PCSK1: variants seen among roughly 807,000 people sequenced by gnomAD.
PCSK1 encodes the protein neuroendocrine convertase 1.
PCSK1 carries 56 observed loss-of-function variants against 90.6 expected under a neutral mutation model. The observed-to-expected ratio is 0.62, with a 90% CI of 0.50 to 0.77. PCSK1 has a LOEUF of 0.77. PCSK1 is among the 30% of genes least tolerant of loss of function. The pLI, the probability that PCSK1 is intolerant of heterozygous loss-of-function variation, is 0.00. For synonymous variants in PCSK1, 348 were observed against 342.4 expected (o/e 1.02, Z -0.18); for missense variants, 801 against 932.6 (o/e 0.86, Z 1.84).
intron 8 of PCSK1, 27 bp from the exon 9 acceptor site, chr5:96,408,350 G>A (rs745576393): frequency 1.7e-5 from 27 of 1,557,066 alleles, no homozygotes; most frequent in East Asian, 2.2e-5. Flanking sequence ...AGGAGAGAAA[G>A]GCAGGGAGAA....
chr5:96,424,999 G>T (rs1480325382), intron 3 of PCSK1, among the ~76,000 whole-genome samples: 3 of 93,216 alleles, frequency 3.2e-5, no homozygotes, highest in Non-Finnish European at 6.3e-5. Context: ...GAAAGAAAGA[G>T]AAAGAAAGAA....
intron 12 of PCSK1, among the ~76,000 whole-genome samples, chr5:96,396,424 G>A (rs1295878047): frequency 2.6e-5 from 4 of 152,032 alleles, no homozygotes; most frequent in African/African-American, 9.7e-5. Flanking sequence ...AGCCAGGCTT[G>A]GTGGTGGGTA....
At position 96,394,701 on chromosome 5, in the gene PCSK1, A is replaced by G. The variant is rs546723266; in HGVS notation, c.1884+163T>C. Among the ~76,000 whole-genome samples the G allele has an allele frequency of 3.3e-5, 5 of 152,360 alleles. No individual in the cohort carries two copies. The East Asian group carries it at 9.6e-4, about 29-fold the overall frequency. ...CTGGATAAAATATTGAATGAAAAAA[A>G]TACAGTTTTATCCTATGGAAAAGAA... On this transcript the variant is annotated intron_variant, in intron 13 of 13. Transcript: ENST00000311106.
chr5:96,397,369 A>G lies in PCSK1; in HGVS notation c.1689T>C (p.Pro563=). 1 of 1,612,710 alleles carries G rather than the reference A, an allele frequency of 6.2e-7. No homozygotes were observed. Among genetic ancestry groups the G allele is most frequent in the Non-Finnish European group, 8.5e-7 (1 of 1,178,718 alleles). The change falls in exon 12 of 14, where the codon CCT becomes CCC. Residue 563 remains proline (P), a synonymous_variant. Coordinates refer to ENST00000311106, the MANE Select transcript of PCSK1 (RefSeq NM_000439.5). ...TAATTCTCAAAGTCCAAGTACCTAT[A>G]GGGTTCTCTCCCCATGTGTGAACAG... The part of the protein sequence containing the change: ...FMSVHTWGEN[P]IGTWTLRITD...
intron 2 of PCSK1, among the ~76,000 whole-genome samples, chr5:96,428,149 A>G (rs1761376986): frequency 6.6e-6 from 1 of 152,160 alleles, no homozygotes; most frequent in South Asian, 2.1e-4. Flanking sequence ...TTCTTCTTTT[A>G]AAAATTCTAT....
In PCSK1 at chr5:96,427,038, C is replaced by A. The variant is rs148848191; in HGVS notation, c.286-1108G>T. Among the ~76,000 whole-genome samples, 621 of 152,268 alleles carry A rather than the reference C, an allele frequency of 4.1e-3. 3 individuals are homozygous for A. The highest frequency in any genetic ancestry group is 0.014 in the African/African-American group (600 of 41,556). Reference sequence around the variant, plus strand: ...AATGCTGCCTATCATCTGAGTTGATCTCTGGAAGCTGACTGCTAGGGAATA... The same window carrying A: ...AATGCTGCCTATCATCTGAGTTGATATCTGGAAGCTGACTGCTAGGGAATA... On this transcript the variant is annotated intron_variant, in intron 2 of 13. Transcript: ENST00000311106.
intron 11 of PCSK1, among the ~76,000 whole-genome samples, chr5:96,397,907 AATT>A (rs1321608739): frequency 3.9e-4 from 59 of 151,992 alleles, no homozygotes; most frequent in East Asian, 1.4e-3. Context: ...TAAACATAAA[AATT>A]ATTATTTAAT....
At chr5:96,431,595 G>A (rs995840583) in intron 1 of PCSK1, among the ~76,000 whole-genome samples, 1 of 152,156 alleles carries the variant, frequency 6.6e-6, no homozygotes, top group Admixed American at 6.5e-5. Flanking sequence ...CTGGCCAAAA[G>A]CAAAAGACTC....
chr5:96,432,676 A>C (rs1761543397), intron 1 of PCSK1, among the ~76,000 whole-genome samples, 187 bp downstream of exon 1: 1 of 152,082 alleles, frequency 6.6e-6, no homozygotes, highest in African/African-American at 2.4e-5. Flanking sequence ...CGCCCAGCCT[A>C]AACAGTAAAT....
At chr5:96,415,940 T>C in intron 6 of PCSK1, 93 bp downstream of exon 6, 1 of 816,740 alleles carries the variant, frequency 1.2e-6, no homozygotes, top group Non-Finnish European at 2.2e-6. Flanking sequence ...TTCCTCCAGT[T>C]GTTAAAAAGA....
chr5:96,399,097 C>CAAGG, intron 10 of PCSK1, 61 bp from the exon 11 acceptor site: 2 of 1,202,370 alleles, frequency 1.7e-6, no homozygotes, highest in Non-Finnish European at 2.4e-6. Context: ...GCATTTTATG[C>CAAGG]ATATCTGCAT....
chr5:96,409,081 A>T (rs1471222216), intron 8 of PCSK1, among the ~76,000 whole-genome samples: 1 of 152,194 alleles, frequency 6.6e-6, no homozygotes, highest in African/African-American at 2.4e-5. Flanking sequence ...AGTTTTACAT[A>T]ATTTTCTTGC....
chr5:96,417,847 C>T (rs536436061), intron 5 of PCSK1, among the ~76,000 whole-genome samples: 2 of 152,300 alleles, frequency 1.3e-5, no homozygotes, highest in Admixed American at 6.5e-5. Flanking sequence ...GATGGATGAA[C>T]GCTCTTTGCC....
chr5:96,402,211 C>T (rs905422836), intron 9 of PCSK1, among the ~76,000 whole-genome samples: 2 of 152,140 alleles, frequency 1.3e-5, no homozygotes, highest in Admixed American at 6.5e-5. Flanking sequence ...AGTTAAAAAC[C>T]GTGTGTGATT....
intron 3 of PCSK1, among the ~76,000 whole-genome samples, chr5:96,424,052 C>T (rs1221332768): frequency 6.6e-6 from 1 of 152,008 alleles, no homozygotes; most frequent in African/African-American, 2.4e-5. Flanking sequence ...TTTTAAAATA[C>T]ATTTTCTGAT....
intron 8 of PCSK1, 87 bp from the exon 9 acceptor site, chr5:96,408,410 C>A: frequency 2.2e-6 from 2 of 896,514 alleles, no homozygotes; most frequent in Non-Finnish European, 3.6e-6. Flanking sequence ...CCAAAGGCTG[C>A]ATCTGCTATG....
intron 7 of PCSK1, among the ~76,000 whole-genome samples, chr5:96,411,660 C>T (rs879561037): frequency 3.3e-5 from 5 of 152,136 alleles, no homozygotes; most frequent in Admixed American, 1.3e-4. Flanking sequence ...TGGAAGAAGA[C>T]TGAGTAGTTT....
At chr5:96,412,854 A>G in intron 6 of PCSK1, 1 of 635,746 alleles carries the variant, frequency 1.6e-6, no homozygotes, top group South Asian at 4.5e-5. Context: ...GGATGAGAGG[A>G]AGTGGCCGTG....
rs771012511 is a variant in PCSK1, at chr5:96,425,792, C to T, written c.396+28G>A. ...TAAAGAAGCCAGGTCCCAGGTCCCA[C>T]CCACATAGTCCTTCTGTAGGTACTT... On this transcript the variant is annotated intron_variant, in intron 3 of 13. Coordinates refer to ENST00000311106, the MANE Select transcript of PCSK1 (RefSeq NM_000439.5). 7 of 1,256,104 alleles carry T rather than the reference C, an allele frequency of 5.6e-6. No individual in the cohort carries two copies. In the East Asian group the frequency reaches 1.4e-4, roughly 25 times the overall value. 77.8% of individuals were successfully genotyped at this position (1,256,104 alleles called of 1,614,324 possible). A position where few individuals can be genotyped will look rare whatever the true frequency, so the allele number is the denominator to read the frequency against.
Sources: allele counts gnomAD v4.1 joint callset (sites outside exome capture counted in the v4.1 genomes callset), GRCh38; gene constraint gnomAD v4.1.1; transcripts MANE v1.5; gene names NCBI Gene and HGNC (gene_info 2026-07-23, HGNC 2026-07-21).